The following ARHGAP22 variants were observed in gnomAD, a reference collection of about 807,000 sequenced individuals.
The protein encoded by ARHGAP22 is rho GTPase-activating protein 22.
ARHGAP22 carries 48 observed loss-of-function variants against 59.1 expected under a neutral mutation model. The observed-to-expected ratio is 0.81, with a 90% CI of 0.64 to 1.03. The LOEUF (loss-of-function observed/expected upper bound fraction) is 1.03. ARHGAP22 is among the 50% of genes least tolerant of loss of function. The probability of loss-of-function intolerance (pLI) is 0.00; values close to 1 mark genes in which losing one functional copy is unlikely to be tolerated. For missense variants in ARHGAP22, 1,015 were observed against 958.7 expected (o/e 1.06, Z -0.78); for synonymous variants, 445 against 416.4 (o/e 1.07, Z -0.84).
intron 3 of ARHGAP22, chr10:48,493,343 C>T: frequency 7.8e-7 from 1 of 1,284,746 alleles, no homozygotes; most frequent in Non-Finnish European, 1.1e-6. Flanking sequence ...CTGGTTGCGG[C>T]CACCAAACAC....
intron 3 of ARHGAP22, among the ~76,000 whole-genome samples, chr10:48,491,139 TC>T (rs1254651460): frequency 1.3e-5 from 2 of 151,868 alleles, no homozygotes; most frequent in Non-Finnish European, 2.9e-5. Context: ...CTGCTCAACA[TC>T]CCCCAGCAGG....
chr10:48,625,607 T>C (rs140739883), intron 1 of ARHGAP22, among the ~76,000 whole-genome samples: 5 of 152,080 alleles, frequency 3.3e-5, no homozygotes, highest in African/African-American at 1.2e-4. Context: ...TTTCTTCTGT[T>C]TAAGGATGTC....
intron 3 of ARHGAP22, among the ~76,000 whole-genome samples, chr10:48,489,133 G>A (rs1589703707): frequency 6.6e-6 from 1 of 152,120 alleles, no homozygotes; most frequent in Non-Finnish European, 1.5e-5. Flanking sequence ...TCAGGTGGGA[G>A]GGTAAATAGG....
intron 2 of ARHGAP22, among the ~76,000 whole-genome samples, chr10:48,569,956 AG>A (rs1157589259): frequency 2.0e-5 from 3 of 152,222 alleles, no homozygotes; most frequent in Non-Finnish European, 4.4e-5. Context: ...CTGTCATTTC[AG>A]GGGCCTGCTC....
intron 4 of ARHGAP22, among the ~76,000 whole-genome samples, chr10:48,465,825 C>T (rs1387420238): frequency 6.6e-6 from 1 of 152,206 alleles, no homozygotes; most frequent in Non-Finnish European, 1.5e-5. Context: ...TCCCTCTTGG[C>T]TCCAGGCCTT....
intron 3 of ARHGAP22, among the ~76,000 whole-genome samples, chr10:48,489,820 G>C (rs955033100): frequency 5.0e-4 from 73 of 145,274 alleles, no homozygotes; most frequent in African/African-American, 1.8e-3. Flanking sequence ...TGCAAGCTCC[G>C]CCTCCTAGGT....
intron 1 of ARHGAP22, among the ~76,000 whole-genome samples, chr10:48,584,765 C>T (rs59135459): frequency 0.076 from 11,616 of 152,212 alleles, 485 homozygotes; most frequent in Middle Eastern, 0.11. Flanking sequence ...GAGGCCAAGG[C>T]GGGCGGATCA....
At chr10:48,536,988 T>G (rs898483496) in intron 3 of ARHGAP22, among the ~76,000 whole-genome samples, 7 of 145,660 alleles carry the variant, frequency 4.8e-5, no homozygotes, top group African/African-American at 1.8e-4. Context: ...GGCCACTCAA[T>G]AAAAAAAAAA....
intron 3 of ARHGAP22, among the ~76,000 whole-genome samples, chr10:48,496,365 G>A (rs1194871334): frequency 2.0e-5 from 3 of 152,084 alleles, no homozygotes; most frequent in African/African-American, 7.2e-5. Flanking sequence ...CCTACTATGC[G>A]CCAGTCATGT....
At chr10:48,600,442 G>T (rs2060314765) in intron 1 of ARHGAP22, among the ~76,000 whole-genome samples, 1 of 151,916 alleles carries the variant, frequency 6.6e-6, no homozygotes, top group Non-Finnish European at 1.5e-5. Flanking sequence ...CTTCAGGCTG[G>T]TCACTGAGAG....
At chr10:48,530,063 C>T (rs982869653) in intron 3 of ARHGAP22, among the ~76,000 whole-genome samples, 9 of 151,866 alleles carry the variant, frequency 5.9e-5, no homozygotes, top group Admixed American at 2.0e-4. Context: ...ATGGTGAAAC[C>T]GCATCTCTAC....
chr10:48,565,383 G>C (rs561144175), intron 2 of ARHGAP22, among the ~76,000 whole-genome samples: 2 of 152,172 alleles, frequency 1.3e-5, no homozygotes, highest in Non-Finnish European at 2.9e-5. Context: ...GCTCATGACT[G>C]GGGGTCAGGG....
chr10:48,437,975 T>C, the ARHGAP22 span: 1 of 152,274 alleles, frequency 6.6e-6, no homozygotes, highest in Non-Finnish European at 1.5e-5. Flanking sequence ...AGTGAAGCTC[T>C]TTCCTTGGTT....
chr10:48,534,370 T>C (rs1340404071), intron 3 of ARHGAP22, among the ~76,000 whole-genome samples: 1 of 152,124 alleles, frequency 6.6e-6, no homozygotes, highest in Non-Finnish European at 1.5e-5. Context: ...CCCCACCTGC[T>C]CTTTCCAACT....
chr10:48,572,843 G>T (rs1368109798), intron 2 of ARHGAP22, among the ~76,000 whole-genome samples: 1 of 152,114 alleles, frequency 6.6e-6, no homozygotes, highest in Non-Finnish European at 1.5e-5. Flanking sequence ...GACCAAACCT[G>T]GAAATGGCAT....
At chr10:48,638,625 C>T (rs1292367308) in intron 1 of ARHGAP22, among the ~76,000 whole-genome samples, 1 of 152,152 alleles carries the variant, frequency 6.6e-6, no homozygotes, top group Non-Finnish European at 1.5e-5. Flanking sequence ...AGGAAGGTCA[C>T]CTGACCACCA....
chr10:48,635,745 C>A (rs914043205), intron 1 of ARHGAP22, among the ~76,000 whole-genome samples: 2 of 152,242 alleles, frequency 1.3e-5, no homozygotes, highest in African/African-American at 4.8e-5. Flanking sequence ...TTTGCCCCAT[C>A]AGTCCTGCTT....
At chr10:48,489,182 T>C (rs1038446691) in intron 3 of ARHGAP22, among the ~76,000 whole-genome samples, 1 of 152,196 alleles carries the variant, frequency 6.6e-6, no homozygotes, top group African/African-American at 2.4e-5. Flanking sequence ...GAAAACCCTA[T>C]TACCATGCCT....
rs762853507 is a variant in ARHGAP22, at chr10:48,583,072, G to C, written c.115C>G (p.Leu39Val). The C allele has an allele frequency of 2.5e-6, 4 of 1,614,264 alleles. No individual in the cohort carries two copies. The highest frequency in any genetic ancestry group is 3.4e-6 in the Non-Finnish European group (4 of 1,180,046). Reference sequence around the variant, plus strand: ...TGCTTCTTCAGCCAGCCCGCCTTCAGCACGGGGCCCAGCCTGTGAGGGCAC... The same window carrying C: ...TGCTTCTTCAGCCAGCCCGCCTTCACCACGGGGCCCAGCCTGTGAGGGCAC... ...MPCPHRLGPV[L>V]KAGWLKKQRS... The change falls in exon 2 of 10, where the codon CTG (leucine) becomes GTG (valine). Residue 39 changes from leucine to valine, a missense_variant. Transcript: ENST00000249601.
Sources: gnomAD v4.1 joint callset for allele counts (sites outside exome capture counted in the v4.1 genomes callset) on GRCh38, gnomAD v4.1.1 for gene constraint, MANE v1.5 for transcripts, NCBI Gene and HGNC (gene_info 2026-07-23, HGNC 2026-07-21) for gene names.